DMD: variants seen among roughly 807,000 people sequenced by gnomAD.
The protein encoded by DMD is mutant dystrophin.
DMD carries 63 observed loss-of-function variants against 330.1 expected under a neutral mutation model. The observed-to-expected ratio is 0.19, with a 90% confidence interval of 0.16 to 0.24. The LOEUF is 0.24. Ranked by LOEUF, DMD falls within the 10% of genes least tolerant of loss-of-function variation. DMD has a pLI of 1.00. For synonymous variants in DMD, 1,223 were observed against 959.8 expected (o/e 1.27, Z -5.07); for missense variants, 3,344 against 2,684.1 (o/e 1.25, Z -5.43).
intron 48 of DMD, among the ~76,000 whole-genome samples, chrX:31,859,128 T>C (rs1861612507): frequency 9.0e-6 from 1 of 111,249 alleles, no homozygotes; most frequent in Admixed American, 9.6e-5. Flanking sequence ...CAAGAGGCAC[T>C]GTTCCAGAGA....
At chrX:31,543,597 A>G (rs1162588074) in intron 55 of DMD, among the ~76,000 whole-genome samples, 1 of 112,714 alleles carries the variant, frequency 8.9e-6, no homozygotes, top group Non-Finnish European at 1.9e-5. Context: ...TATTTTGTTT[A>G]AGTCATTTTA....
chrX:32,366,937 A>G (rs2097856597), intron 34 of DMD, among the ~76,000 whole-genome samples: 1 of 112,399 alleles, frequency 8.9e-6, no homozygotes, highest in African/African-American at 3.2e-5. Context: ...GCTATCATGC[A>G]TGGGGTTCTT....
At chrX:32,149,078 G>A (rs2096792221) in intron 44 of DMD, among the ~76,000 whole-genome samples, 1 of 111,703 alleles carries the variant, frequency 9.0e-6, no homozygotes, top group South Asian at 3.7e-4. Flanking sequence ...TATGAAAGTA[G>A]AAAAAGGCAG....
intron 2 of DMD, among the ~76,000 whole-genome samples, chrX:33,017,176 G>T (rs1284189450): frequency 9.0e-6 from 1 of 111,592 alleles, no homozygotes; most frequent in Non-Finnish European, 1.9e-5. Context: ...TAGATTTACT[G>T]CAAAGACACA....
intron 74 of DMD, among the ~76,000 whole-genome samples, chrX:31,168,379 A>C (rs73462317): frequency 9.0e-6 from 1 of 110,974 alleles, no homozygotes; most frequent in East Asian, 2.8e-4. Flanking sequence ...AAGTAGAGTC[A>C]GTATGGAGGA....
intron 68 of DMD, among the ~76,000 whole-genome samples, chrX:31,180,893 A>C (rs1405354577): frequency 8.9e-6 from 1 of 112,303 alleles, no homozygotes; most frequent in East Asian, 2.8e-4. Context: ...TGAAGCAATT[A>C]TTTTCAAAAC....
chrX:32,190,611 G>T (rs2147588759), intron 44 of DMD, among the ~76,000 whole-genome samples: 1 of 89,721 alleles, frequency 1.1e-5, no homozygotes, highest in East Asian at 3.5e-4. Context: ...TTATGGTGGT[G>T]CTTTTATCCA....
rs182010277 is a variant in DMD, at chrX:32,820,255, C to T, written c.357+3040G>A. On this transcript the variant is annotated intron_variant, in intron 5 of 78. Coordinates refer to ENST00000357033, the MANE Select transcript of DMD (RefSeq NM_004006.3). The stretch of plus-strand genomic sequence containing the variant: ...GAGATCGAGACCATCCTGGCTAACA[C>T]GGTGAAACCCCATCTCTACTGAACA... Among the ~76,000 whole-genome samples the T allele has an allele frequency of 9.0e-5, 10 of 111,193 alleles. No homozygotes were observed. In the South Asian group the frequency reaches 1.2e-3, roughly 13 times the overall value.
At chrX:31,482,238 G>GGA (rs1569546437) in intron 57 of DMD, among the ~76,000 whole-genome samples, 1 of 92,827 alleles carries the variant, frequency 1.1e-5, no homozygotes, top group African/African-American at 5.1e-5. Flanking sequence ...TGTGTGTGTG[G>GGA]GGGGGGTGTT....
intron 62 of DMD, among the ~76,000 whole-genome samples, chrX:31,278,587 T>C (rs1247571839): frequency 8.9e-6 from 1 of 112,113 alleles, no homozygotes; most frequent in African/African-American, 3.2e-5. Context: ...TATTGTCACA[T>C]TGCAGGAGGA....
intron 44 of DMD, among the ~76,000 whole-genome samples, chrX:31,976,408 T>G (rs1024105911): frequency 9.0e-6 from 1 of 111,165 alleles, no homozygotes; most frequent in Non-Finnish European, 1.9e-5. Flanking sequence ...TCCCTTATTT[T>G]TATTGAAACG....
At chrX:31,279,554 G>A (rs976077815) in intron 62 of DMD, among the ~76,000 whole-genome samples, 5 of 111,857 alleles carry the variant, frequency 4.5e-5, no homozygotes, top group African/African-American at 1.6e-4. Flanking sequence ...AACCTGAGAA[G>A]TTTCCATGTG....
At chrX:32,903,780 T>C (rs968756976) in intron 2 of DMD, among the ~76,000 whole-genome samples, 5 of 111,705 alleles carry the variant, frequency 4.5e-5, no homozygotes, top group Non-Finnish European at 9.4e-5. Context: ...AAAGAAGACC[T>C]GAAGATCTAA....
intron 9 of DMD, among the ~76,000 whole-genome samples, chrX:32,660,847 T>C (rs1207968647): frequency 3.6e-5 from 4 of 111,578 alleles, no homozygotes; most frequent in Admixed American, 9.6e-5. Flanking sequence ...TGTAGTAAAA[T>C]AGATTTCCTA....
chrX:31,716,314 G>A (rs1221273037), intron 52 of DMD, among the ~76,000 whole-genome samples: 1 of 112,428 alleles, frequency 8.9e-6, no homozygotes, highest in African/African-American at 3.2e-5. Context: ...CACTTTGGGA[G>A]GCCGAGGCGG....
At chrX:33,219,306 TTGTGTGTGTGTGTGTGTGTG>T (rs56332488) in intron 1 of DMD, among the ~76,000 whole-genome samples, 9,823 of 72,902 alleles carry the variant, frequency 0.13, 622 homozygotes, top group African/African-American at 0.25. Flanking sequence ...TTAGAGATTA[TTGTGTGTGTGTGTGTGTGTG>T]TGTGTGTGTG....
chrX:32,724,532 G>A (rs989099374), intron 7 of DMD, among the ~76,000 whole-genome samples: 3 of 111,552 alleles, frequency 2.7e-5, no homozygotes, highest in African/African-American at 9.7e-5. Context: ...ACATGTTAAA[G>A]CTAATTTTAC....
At chrX:32,635,293 C>G (rs1356219907) in intron 11 of DMD, among the ~76,000 whole-genome samples, 1 of 111,150 alleles carries the variant, frequency 9.0e-6, no homozygotes, top group East Asian at 2.8e-4. Flanking sequence ...TGATACAACC[C>G]AAAAACCAGG....
chrX:32,645,227 C>T (rs1282808394), intron 9 of DMD, 75 bp from the exon 10 acceptor site: 10 of 1,061,622 alleles, frequency 9.4e-6, no homozygotes, highest in East Asian at 6.1e-5. Context: ...AATGATGAAT[C>T]GAATGAAATA....
Sources: allele counts gnomAD v4.1 joint callset (sites outside exome capture counted in the v4.1 genomes callset), GRCh38; gene constraint gnomAD v4.1.1; transcripts MANE v1.5; gene names NCBI Gene and HGNC (gene_info 2026-07-23, HGNC 2026-07-21).